MIS18A: variants seen among roughly 807,000 people sequenced by gnomAD.
The protein encoded by MIS18A is MIS18 kinetochore protein A, also known as protein Mis18-alpha.
A neutral mutation model predicts 25.0 loss-of-function variants in MIS18A; 14 were observed. That is an observed-to-expected ratio of 0.56 (90% CI 0.37 to 0.88). The LOEUF is 0.88. Ranked by LOEUF, MIS18A falls within the 40% of genes least tolerant of loss-of-function variation. The pLI is 0.00. For synonymous variants in MIS18A, 134 were observed against 118.6 expected (o/e 1.13, Z -0.84); for missense variants, 292 against 290.8 (o/e 1.00, Z -0.03).
At chr21:32,275,393 T>C (rs941704223) in intron 1 of MIS18A, among the ~76,000 whole-genome samples, 14 of 152,156 alleles carry the variant, frequency 9.2e-5, no homozygotes, top group African/African-American at 1.9e-4. Context: ...GATAGTGAAA[T>C]TGGGTTCCAA....
At chr21:32,233,423 G>GA in the MIS18A span, among the ~76,000 whole-genome samples, 6 of 151,992 alleles carry the variant, frequency 3.9e-5, no homozygotes, top group East Asian at 1.9e-4. Context: ...TTGTTGATAG[G>GA]AAAAAAAATT....
At chr21:32,203,838 T>C in the MIS18A span, among the ~76,000 whole-genome samples, 1 of 152,044 alleles carries the variant, frequency 6.6e-6, no homozygotes, top group African/African-American at 2.4e-5. Flanking sequence ...AGGCTGGTCT[T>C]GGACTCCTGG....
chr21:32,157,817 A>C, the MIS18A span, among the ~76,000 whole-genome samples: 1 of 152,204 alleles, frequency 6.6e-6, no homozygotes, highest in East Asian at 1.9e-4. Context: ...TATGTTTATA[A>C]AATTTTAACA....
the MIS18A span, among the ~76,000 whole-genome samples, chr21:32,250,702 C>A: frequency 2.6e-5 from 4 of 152,242 alleles, no homozygotes; most frequent in South Asian, 8.3e-4. Context: ...CCAGGCCACT[C>A]TGGCAAAACC....
rs140901628 is a variant in MIS18A at position 32,270,448 on chromosome 21, G to A, written c.483C>T (p.Tyr161=). 6.2e-6 allele frequency: 10 copies of A among 1,613,554 alleles called. No homozygotes were observed. The highest frequency in any genetic ancestry group is 8.5e-6 in the Non-Finnish European group (10 of 1,179,846). ...CACTGAGGCAAAACAAGTCTCTCTT[G>A]TAATCAAGATTCTTGGGCGTGCATC... The part of the protein sequence containing the change: ...VYRCTPKNLD[Y]KRDLFCLSVE... The change falls in exon 3 of 5, where the codon TAC becomes TAT. Residue 161 remains tyrosine (Y), a synonymous_variant. Transcript: ENST00000290130.
chr21:32,201,379 C>T, the MIS18A span, among the ~76,000 whole-genome samples: 1 of 151,966 alleles, frequency 6.6e-6, no homozygotes, highest in Non-Finnish European at 1.5e-5. Context: ...TCCTTATATT[C>T]GTCCCCCACT....
chr21:32,223,100 C>T, the MIS18A span, among the ~76,000 whole-genome samples: 1 of 151,862 alleles, frequency 6.6e-6, no homozygotes. Flanking sequence ...CACAACATAC[C>T]AGAATCTCTA....
At chr21:32,235,542 A>C in the MIS18A span, among the ~76,000 whole-genome samples, 1 of 152,198 alleles carries the variant, frequency 6.6e-6, no homozygotes, top group East Asian at 1.9e-4. Flanking sequence ...CCACCAATAC[A>C]TAAGTGTTGA....
the MIS18A span, among the ~76,000 whole-genome samples, chr21:32,221,504 C>A: frequency 6.6e-6 from 1 of 152,014 alleles, no homozygotes; most frequent in South Asian, 2.1e-4. Context: ...AAGGAAAAAC[C>A]GGTACCAGCC....
chr21:32,276,492 A>G (rs921912241), intron 1 of MIS18A, among the ~76,000 whole-genome samples: 1 of 150,246 alleles, frequency 6.7e-6, no homozygotes, highest in African/African-American at 2.4e-5. Flanking sequence ...AAAAAGGAAA[A>G]TATTTTCTAG....
chr21:32,245,404 C>T, the MIS18A span, among the ~76,000 whole-genome samples: 6 of 152,216 alleles, frequency 3.9e-5, no homozygotes, highest in Non-Finnish European at 8.8e-5. Flanking sequence ...GATATGTGAT[C>T]GTGTGTGAAG....
At chr21:32,228,954 T>C in the MIS18A span, among the ~76,000 whole-genome samples, 1 of 152,370 alleles carries the variant, frequency 6.6e-6, no homozygotes, top group African/African-American at 2.4e-5. Context: ...TATATGCTTC[T>C]AGTTTTCATT....
At chr21:32,252,007 A>T in the MIS18A span, among the ~76,000 whole-genome samples, 1 of 152,108 alleles carries the variant, frequency 6.6e-6, no homozygotes, top group Admixed American at 6.6e-5. Context: ...ACATAGCAAG[A>T]CCCTGTCTCT....
chr21:32,172,704 C>T, the MIS18A span, among the ~76,000 whole-genome samples: 8 of 151,680 alleles, frequency 5.3e-5, no homozygotes, highest in Admixed American at 5.3e-4. Context: ...GGAGCACTTA[C>T]AAATCCCAGC....
the MIS18A span, among the ~76,000 whole-genome samples, chr21:32,193,544 G>A: frequency 6.6e-6 from 1 of 151,924 alleles, no homozygotes; most frequent in African/African-American, 2.4e-5. Context: ...CGATCTAATC[G>A]AGCTAAAACC....
chr21:32,236,275 C>A, the MIS18A span, among the ~76,000 whole-genome samples: 2 of 151,548 alleles, frequency 1.3e-5, no homozygotes, highest in Non-Finnish European at 1.5e-5. Context: ...CTCAGCTACT[C>A]GGGAGGCTGA....
downstream of MIS18A, among the ~76,000 whole-genome samples, chr21:32,267,897 T>C (rs1460838643): frequency 6.6e-6 from 1 of 152,208 alleles, no homozygotes; most frequent in Admixed American, 6.5e-5. Context: ...CAACGTTAAC[T>C]GAGGCTGTCG....
the MIS18A span, among the ~76,000 whole-genome samples, chr21:32,224,128 C>T: frequency 6.6e-6 from 1 of 151,828 alleles, no homozygotes; most frequent in African/African-American, 2.4e-5. Flanking sequence ...GGACATATTT[C>T]AAAATAATAA....
chr21:32,180,248 A>G, the MIS18A span, among the ~76,000 whole-genome samples: 13 of 152,256 alleles, frequency 8.5e-5, no homozygotes, highest in African/African-American at 2.9e-4. Context: ...TCTTCTGTGG[A>G]TCAATTTCAG....
Sources: gnomAD v4.1 joint callset for allele counts (sites outside exome capture counted in the v4.1 genomes callset) on GRCh38, gnomAD v4.1.1 for gene constraint, MANE v1.5 for transcripts, NCBI Gene and HGNC (gene_info 2026-07-23, HGNC 2026-07-21) for gene names.